SGCZ: variants seen among roughly 807,000 people sequenced by gnomAD.
SGCZ encodes zeta-sarcoglycan.
SGCZ carries 40 observed loss-of-function variants against 41.3 expected under a neutral mutation model. The observed-to-expected ratio is 0.97, with a 90% CI of 0.75 to 1.26. SGCZ has a LOEUF of 1.26. Among genes scored for constraint, SGCZ ranks in the 50% most tolerant of loss-of-function variants. The pLI is 0.00. For synonymous variants in SGCZ, 206 were observed against 137.5 expected (o/e 1.50, Z -3.49); for missense variants, 552 against 369.8 (o/e 1.49, Z -4.04).
intron 1 of SGCZ, among the ~76,000 whole-genome samples, chr8:15,138,477 TG>T (rs1241291601): frequency 6.6e-6 from 1 of 152,044 alleles, no homozygotes; most frequent in African/African-American, 2.4e-5. Context: ...AATCTCATCT[TG>T]AATTGTAGCT....
chr8:14,603,571 G>C (rs1264755957), intron 1 of SGCZ, among the ~76,000 whole-genome samples: 3 of 151,884 alleles, frequency 2.0e-5, no homozygotes, highest in African/African-American at 2.4e-5. Context: ...ACAAGATCAT[G>C]ATAAAGGTTT....
At chr8:14,434,709 A>C (rs774510190) in intron 2 of SGCZ, among the ~76,000 whole-genome samples, 59 of 151,940 alleles carry the variant, frequency 3.9e-4, no homozygotes, top group Non-Finnish European at 7.5e-4. Context: ...AGTTCCAAAT[A>C]TTTTAATTTT....
chr8:14,567,166 C>G (rs184515288), intron 1 of SGCZ, among the ~76,000 whole-genome samples: 2 of 152,340 alleles, frequency 1.3e-5, no homozygotes, highest in East Asian at 3.9e-4. Flanking sequence ...CCCAGGGAGT[C>G]GCCCCCTGCT....
intron 5 of SGCZ, among the ~76,000 whole-genome samples, chr8:14,148,489 A>C (rs908686003): frequency 3.3e-5 from 5 of 152,158 alleles, no homozygotes; most frequent in African/African-American, 1.2e-4. Flanking sequence ...CCAAGAAGAG[A>C]TCCAAAACCT....
chr8:14,181,864 C>A (rs1446491224), intron 4 of SGCZ, among the ~76,000 whole-genome samples: 1 of 152,116 alleles, frequency 6.6e-6, no homozygotes, highest in Non-Finnish European at 1.5e-5. Flanking sequence ...CAGACTAATA[C>A]ACCTGTTACA....
At chr8:14,793,050 A>T (rs1801006003) in intron 1 of SGCZ, among the ~76,000 whole-genome samples, 1 of 152,202 alleles carries the variant, frequency 6.6e-6, no homozygotes, top group Non-Finnish European at 1.5e-5. Flanking sequence ...ACTAAATACA[A>T]TATGTGATCT....
intron 1 of SGCZ, among the ~76,000 whole-genome samples, chr8:14,616,269 C>T (rs185710855): frequency 2.1e-5 from 3 of 143,984 alleles, no homozygotes; most frequent in East Asian, 2.1e-4. Context: ...GGCCACAGAG[C>T]GAGACTCTGT....
intron 2 of SGCZ, among the ~76,000 whole-genome samples, chr8:14,518,889 T>C (rs1490836346): frequency 5.6e-5 from 5 of 89,630 alleles, no homozygotes; most frequent in Admixed American, 5.3e-4. Flanking sequence ...AAACCCCATC[T>C]CTACCAAAAA....
intron 2 of SGCZ, among the ~76,000 whole-genome samples, chr8:14,397,270 G>T (rs941525544): frequency 1.3e-5 from 2 of 151,994 alleles, no homozygotes; most frequent in African/African-American, 4.8e-5. Context: ...TAAAAGTTAA[G>T]GATGTTCGAA....
chr8:14,509,954 C>T (rs1802421227), intron 2 of SGCZ, among the ~76,000 whole-genome samples: 1 of 152,014 alleles, frequency 6.6e-6, no homozygotes, highest in African/African-American at 2.4e-5. Flanking sequence ...CACCTCCCTC[C>T]CTCAACAGGT....
intron 2 of SGCZ, among the ~76,000 whole-genome samples, chr8:14,456,275 G>C (rs1006995449): frequency 2.6e-5 from 4 of 152,102 alleles, no homozygotes; most frequent in Non-Finnish European, 5.9e-5. Context: ...GGGTGTGGTG[G>C]TGCACGCCTA....
intron 1 of SGCZ, among the ~76,000 whole-genome samples, chr8:15,012,862 T>A (rs1282003797): frequency 6.6e-6 from 1 of 151,520 alleles, no homozygotes; most frequent in African/African-American, 2.4e-5. Flanking sequence ...TTTTCAGCTT[T>A]TTTTTCCTTT....
intron 1 of SGCZ, among the ~76,000 whole-genome samples, chr8:15,104,482 A>G (rs566958150): frequency 6.6e-6 from 1 of 152,344 alleles, no homozygotes; most frequent in East Asian, 1.9e-4. Flanking sequence ...ATTATAATCC[A>G]GGTATTTCCA....
intron 4 of SGCZ, among the ~76,000 whole-genome samples, chr8:14,198,988 ATTGT>A (rs1805368530): frequency 1.3e-5 from 2 of 152,178 alleles, no homozygotes; most frequent in Non-Finnish European, 2.9e-5. Context: ...AACTGCACAA[ATTGT>A]TTGTAGAGCA....
chr8:14,780,790 G>C (rs1800566192), intron 1 of SGCZ, among the ~76,000 whole-genome samples: 1 of 152,046 alleles, frequency 6.6e-6, no homozygotes, highest in Non-Finnish European at 1.5e-5. Flanking sequence ...TTTTCTTAGT[G>C]AAATTAGAAG....
intron 5 of SGCZ, among the ~76,000 whole-genome samples, chr8:14,127,957 G>A (rs927538674): frequency 1.3e-5 from 2 of 152,194 alleles, no homozygotes; most frequent in African/African-American, 4.8e-5. Flanking sequence ...AGTGTCTGTT[G>A]TTTCCTTCTT....
intron 1 of SGCZ, among the ~76,000 whole-genome samples, chr8:15,087,197 C>A (rs1183115883): frequency 6.6e-6 from 1 of 152,036 alleles, no homozygotes; most frequent in African/African-American, 2.4e-5. Flanking sequence ...ACCAGTGCTA[C>A]AAAATTGTCA....
intron 1 of SGCZ, among the ~76,000 whole-genome samples, chr8:14,805,937 C>T (rs1222647192): frequency 6.1e-4 from 92 of 150,098 alleles, no homozygotes; most frequent in African/African-American, 1.5e-3. Context: ...CACTCAAAGC[C>T]GCTCAACTAC....
chr8:14,161,810 A>T (rs1804054125), intron 5 of SGCZ, among the ~76,000 whole-genome samples: 1 of 152,162 alleles, frequency 6.6e-6, no homozygotes, highest in Admixed American at 6.6e-5. Flanking sequence ...CAGAGAAAGA[A>T]ATGAAAAGAG....
Sources: gnomAD v4.1 joint callset for allele counts (sites outside exome capture counted in the v4.1 genomes callset) on GRCh38, gnomAD v4.1.1 for gene constraint, MANE v1.5 for transcripts, NCBI Gene and HGNC (gene_info 2026-07-23, HGNC 2026-07-21) for gene names.